Variants in ATP2A2 observed in about 807,000 individuals in gnomAD.
The protein encoded by ATP2A2 is ATPase sarcoplasmic/endoplasmic reticulum Ca2+ transporting 2.
A neutral mutation model predicts 109.3 loss-of-function variants in ATP2A2; 14 were observed. The observed-to-expected ratio is 0.13, with a 90% CI of 0.08 to 0.20. The LOEUF (loss-of-function observed/expected upper bound fraction) is 0.20, where lower values mean the gene tolerates loss of function less well. Ranked by LOEUF, ATP2A2 falls within the 10% of genes least tolerant of loss-of-function variation. The probability of loss-of-function intolerance (pLI) is 1.00; values close to 1 mark genes in which losing one functional copy is unlikely to be tolerated. For missense variants in ATP2A2, 657 were observed against 1,321.6 expected (o/e 0.50, Z 7.80); for synonymous variants, 506 against 490.9 (o/e 1.03, Z -0.41).
chr12:110,346,056 G>T lies in ATP2A2; in HGVS notation c.2797G>T (p.Val933Leu). ...GCCCCCCTGGGAGAACATCTGGCTC[G>T]TGGGCTCCATCTGCCTGTCCATGTC... ...RMPPWENIWL[V>L]GSICLSMSLH... The change falls in exon 19 of 20, where the codon GTG becomes TTG. Residue 933 changes from valine to leucine, a missense_variant. Transcript: ENST00000539276. The T allele has an allele frequency of 6.2e-7, 1 of 1,614,162 alleles. No individual in the cohort carries two copies. Among genetic ancestry groups the T allele is most frequent in the Non-Finnish European group, 8.5e-7 (1 of 1,180,024 alleles).
chr12:110,292,138 C>G lies in ATP2A2; in HGVS notation c.324+14C>G. 3 of 1,580,072 alleles carry G rather than the reference C, an allele frequency of 1.9e-6. No homozygotes were observed. Among genetic ancestry groups the G allele is most frequent in the Non-Finnish European group, 2.6e-6 (3 of 1,149,110 alleles). ...GGTGTATGGCAGGTAAGCAAAAATTCCTGTACTGCAAAATTTCAATAAGTT... is the reference window on the plus strand; with the variant it reads ...GGTGTATGGCAGGTAAGCAAAAATTGCTGTACTGCAAAATTTCAATAAGTT... On this transcript the variant is annotated intron_variant, in intron 4 of 19. Coordinates refer to ENST00000539276, the MANE Select transcript of ATP2A2 (RefSeq NM_170665.4).
intron 11 of ATP2A2, among the ~76,000 whole-genome samples, chr12:110,338,575 C>T (rs985637635): frequency 4.6e-5 from 7 of 152,160 alleles, no homozygotes; most frequent in Admixed American, 2.0e-4. Context: ...TCTCCTGCCT[C>T]GGCCTCCTGA....
At chr12:110,345,540 G>A (rs763365006) in intron 18 of ATP2A2, 158 bp downstream of exon 18, 32 of 1,143,950 alleles carry the variant, frequency 2.8e-5, no homozygotes, top group Middle Eastern at 2.8e-4. Flanking sequence ...ATGAGCTGTC[G>A]TCACCTCCAG....
At chr12:110,290,389 T>C (rs972225083) in intron 3 of ATP2A2, among the ~76,000 whole-genome samples, 10 of 152,244 alleles carry the variant, frequency 6.6e-5, no homozygotes, top group African/African-American at 2.4e-4. Flanking sequence ...TCAAGTTGTT[T>C]ATACTGTGGA....
Position 110,344,811 on chromosome 12 carries a change from G to T in ATP2A2, c.2522-75G>T, listed in dbSNP as rs1459891513. 7.8e-6 allele frequency: 11 copies of T among 1,402,276 alleles called. 1 individual carries two copies. The highest frequency in any genetic ancestry group is 1.8e-4 in the Middle Eastern group (1 of 5,498). 86.9% of individuals were successfully genotyped at this position (1,402,276 alleles called of 1,614,324 possible). A position where few individuals can be genotyped will look rare whatever the true frequency, so the allele number is the denominator to read the frequency against. On this transcript the variant is annotated intron_variant, in intron 16 of 19. Coordinates refer to ENST00000539276, the MANE Select transcript of ATP2A2 (RefSeq NM_170665.4). ...TGTCTTTGATCTTCGTCCTTGTGGG[G>T]ACTGGCCTGCATGGCCTCGGTGGCA...
chr12:110,335,637 C>CA (rs1432671769), intron 11 of ATP2A2, among the ~76,000 whole-genome samples: 3 of 152,232 alleles, frequency 2.0e-5, no homozygotes, highest in African/African-American at 7.2e-5. Context: ...TTGCAATACA[C>CA]AAAGTCTGTG....
chr12:110,282,547 T>A, intron 1 of ATP2A2, 57 bp from the exon 2 acceptor site: 1 of 368,384 alleles, frequency 2.7e-6, no homozygotes, highest in East Asian at 9.2e-5. Context: ...TGTCTCTCTC[T>A]TTTTTTTTTT....
rs1384061971 is a variant in ATP2A2, at chr12:110,345,988, C to G, written c.2742-13C>G. On this transcript the variant is annotated splice_polypyrimidine_tract_variant and intron_variant, in intron 18 of 19. Transcript: ENST00000539276. ...CTTGGGGGTGCGTTTCCCCACCTCT[C>G]CTTGCTCTGCAGCTTGTCCGAAAAC... 1.9e-6 allele frequency: 3 copies of G among 1,613,844 alleles called. No individual in the cohort carries two copies. Among genetic ancestry groups the G allele is most frequent in the African/African-American group, 1.3e-5 (1 of 74,924 alleles).
rs1301697306 is a variant in ATP2A2 at position 110,347,170 on chromosome 12, T to C, written c.*700T>C. 1 of 1,186,426 alleles carries C rather than the reference T, an allele frequency of 8.4e-7. No homozygotes were observed. Among genetic ancestry groups the C allele is most frequent in the African/African-American group, 1.6e-5 (1 of 62,490 alleles). The allele number at this position is 1,186,426 out of a possible 1,614,324, so 73.5% of individuals were successfully genotyped here. ...AAACATTGTTCCAGATTCAATCGAC[T>C]GGGTTTATGTCCCTTCACATAGTTT... On this transcript the variant is annotated 3_prime_UTR_variant, in exon 20 of 20. Transcript: ENST00000539276.
At chr12:110,285,392 A>G (rs1370568909) in intron 3 of ATP2A2, among the ~76,000 whole-genome samples, 1 of 152,222 alleles carries the variant, frequency 6.6e-6, no homozygotes, top group Non-Finnish European at 1.5e-5. Context: ...TTGATTACCA[A>G]CTTTGTTCTA....
intron 5 of ATP2A2, among the ~76,000 whole-genome samples, chr12:110,305,169 A>G (rs1875142282): frequency 6.6e-6 from 1 of 152,114 alleles, no homozygotes; most frequent in Non-Finnish European, 1.5e-5. Flanking sequence ...CCTGACTTCA[A>G]ATGATCCGCC....
At chr12:110,344,502 G>T (rs934700682) in intron 16 of ATP2A2, among the ~76,000 whole-genome samples, 10 of 152,284 alleles carry the variant, frequency 6.6e-5, no homozygotes, top group Admixed American at 2.6e-4. Context: ...TTGTCCAAAA[G>T]TCCTGGTGTA....
At chr12:110,334,880 G>A (rs909052253) in intron 11 of ATP2A2, among the ~76,000 whole-genome samples, 5 of 152,060 alleles carry the variant, frequency 3.3e-5, no homozygotes, top group African/African-American at 1.2e-4. Context: ...GAGCCACCGC[G>A]CCTGGGCATC....
intron 4 of ATP2A2, among the ~76,000 whole-genome samples, chr12:110,293,437 C>T (rs1873568034): frequency 6.8e-6 from 1 of 146,646 alleles, no homozygotes; most frequent in African/African-American, 2.6e-5. Flanking sequence ...TCTTGTTGCC[C>T]AGGCTGGAGT....
At chr12:110,294,323 G>T (rs926078830) in intron 4 of ATP2A2, among the ~76,000 whole-genome samples, 1 of 152,150 alleles carries the variant, frequency 6.6e-6, no homozygotes, top group Non-Finnish European at 1.5e-5. Flanking sequence ...GATTACAAGT[G>T]TGAGCCACTG....
intron 7 of ATP2A2, 71 bp downstream of exon 7, chr12:110,326,546 C>T: frequency 7.4e-7 from 1 of 1,353,818 alleles, no homozygotes; most frequent in Non-Finnish European, 1.0e-6. Flanking sequence ...ATGTTTTTCA[C>T]TGCCAACCAT....
At chr12:110,343,536 G>T in intron 16 of ATP2A2, 102 bp downstream of exon 16, 2 of 1,321,640 alleles carry the variant, frequency 1.5e-6, no homozygotes, top group Admixed American at 3.7e-5. Flanking sequence ...TTCTATCCCC[G>T]TATAGGGTAG....
At position 110,327,612 on chromosome 12, in the gene ATP2A2, C is replaced by T. The variant is rs143310856; in HGVS notation, c.690C>T (p.Thr230=). 3.1e-6 allele frequency: 5 copies of T among 1,614,012 alleles called. No homozygotes were observed. The highest frequency in any genetic ancestry group is 2.7e-5 in the African/African-American group (2 of 74,976). Residue 230 remains threonine (T), a synonymous_variant, in exon 8 of 20, where the codon ACC becomes ACT. Transcript: ENST00000539276. The surrounding 1 kb of genome is among the most constrained non-coding windows in gnomAD (Gnocchi z 4.4). ...TGGTGGTAGCAACTGGAGTTAACAC[C>T]GAAATTGGCAAGATCCGGGATGAAA... ...MGVVVATGVN[T]EIGKIRDEMV...
Position 110,345,042 on chromosome 12 carries a change from G to C in ATP2A2, c.2607+71G>C. The C allele has an allele frequency of 3.2e-6, 5 of 1,540,924 alleles. No individual in the cohort carries two copies. The South Asian group carries it at 4.5e-5, about 14-fold the overall frequency. ...GAGGCCTTGACCTTTCTGTGGTTTC[G>C]GTATCTATCAAATCATCTTAAGACT... On this transcript the variant is annotated intron_variant, in intron 17 of 19. Coordinates refer to ENST00000539276, the MANE Select transcript of ATP2A2 (RefSeq NM_170665.4).
Sources: gnomAD v4.1 joint callset for allele counts (sites outside exome capture counted in the v4.1 genomes callset) on GRCh38, gnomAD v4.1.1 for gene constraint, Gnocchi (gnomAD v3.1) non-coding constraint, MANE v1.5 for transcripts, NCBI Gene and HGNC (gene_info 2026-07-23, HGNC 2026-07-21) for gene names.